GOLM2: variants seen among roughly 807,000 people sequenced by gnomAD.
GOLM2 encodes golgi membrane protein 2, also known as protein GOLM2.
A neutral mutation model predicts 55.9 loss-of-function variants in GOLM2; 26 were observed. The observed-to-expected ratio is 0.47, with a 90% confidence interval of 0.34 to 0.65. The LOEUF (loss-of-function observed/expected upper bound fraction) is 0.65, where lower values mean the gene tolerates loss of function less well. GOLM2 is among the 30% of genes least tolerant of loss of function. The pLI, the probability that GOLM2 is intolerant of heterozygous loss-of-function variation, is 0.01. For missense variants in GOLM2, 486 were observed against 531.8 expected (o/e 0.91, Z 0.85); for synonymous variants, 165 against 194.6 (o/e 0.85, Z 1.27).
rs1367010546 is a variant in GOLM2, at chr15:44,312,862, C to T, written c.328-10103C>T. 7.2e-5 allele frequency among the ~76,000 whole-genome samples: 11 copies of T among 152,062 alleles called. No individual in the cohort carries two copies. The East Asian group carries it at 1.9e-3, about 27-fold the overall frequency. Reference sequence around the variant, plus strand: ...TTGGGAGGCCGAGGCAGGCGGATCACGAGGTCAGCAGATAGAGACCATCTT... The same window carrying T: ...TTGGGAGGCCGAGGCAGGCGGATCATGAGGTCAGCAGATAGAGACCATCTT... On this transcript the variant is annotated intron_variant, in intron 1 of 9. Transcript: ENST00000299957.
At chr15:44,292,228 C>T (rs141192551) in intron 1 of GOLM2, among the ~76,000 whole-genome samples, 4,911 of 147,484 alleles carry the variant, frequency 0.033, 284 homozygotes, top group African/African-American at 0.12. Context: ...GACAGAGTCT[C>T]GCTCGGTTAA....
intron 1 of GOLM2, among the ~76,000 whole-genome samples, chr15:44,292,448 G>A (rs1267943533): frequency 6.6e-6 from 1 of 152,032 alleles, no homozygotes; most frequent in African/African-American, 2.4e-5. Flanking sequence ...CACCAGCCTT[G>A]GCCTCCCAAA....
At chr15:44,329,537 G>T (rs1016219738) in intron 3 of GOLM2, among the ~76,000 whole-genome samples, 31 of 152,130 alleles carry the variant, frequency 2.0e-4, no homozygotes, top group Non-Finnish European at 4.6e-4. Flanking sequence ...GCATATTAAT[G>T]TACCAAAACT....
At chr15:44,337,689 C>A in intron 4 of GOLM2, 74 bp from the exon 5 acceptor site, 1 of 1,089,108 alleles carries the variant, frequency 9.2e-7, no homozygotes, top group Non-Finnish European at 1.3e-6. Flanking sequence ...TGTTTCAGAA[C>A]ATTTAATTAA....
intron 9 of GOLM2, among the ~76,000 whole-genome samples, chr15:44,408,765 T>C (rs2079614251): frequency 6.6e-6 from 1 of 152,022 alleles, no homozygotes; most frequent in African/African-American, 2.4e-5. Context: ...GATCACACCC[T>C]CCTGGCTAAG....
chr15:44,290,947 G>A lies in GOLM2; in HGVS notation c.327+1591G>A, dbSNP rs888788152. Reference sequence around the variant, plus strand: ...GCCTCCTGAGTAGCTGGGATTACAGGCATGCACCACCACGCCTGGCTAATT... The same window carrying A: ...GCCTCCTGAGTAGCTGGGATTACAGACATGCACCACCACGCCTGGCTAATT... On this transcript the variant is annotated intron_variant, in intron 1 of 9. Coordinates refer to ENST00000299957, the MANE Select transcript of GOLM2 (RefSeq NM_138423.4). Among the ~76,000 whole-genome samples the A allele has an allele frequency of 2.6e-5, 4 of 152,088 alleles. No homozygotes were observed. The South Asian group carries it at 6.2e-4, about 24-fold the overall frequency.
intron 4 of GOLM2, among the ~76,000 whole-genome samples, chr15:44,337,229 G>C (rs1445010726): frequency 6.6e-6 from 1 of 151,838 alleles, no homozygotes; most frequent in Non-Finnish European, 1.5e-5. Context: ...GTTAGGAACA[G>C]GTTAGAGGAA....
chr15:44,377,623 C>T (rs2141191091), intron 6 of GOLM2, among the ~76,000 whole-genome samples: 1 of 152,242 alleles, frequency 6.6e-6, no homozygotes, highest in Non-Finnish European at 1.5e-5. Flanking sequence ...ACTCACATGC[C>T]TCGGTCTTTC....
rs1014385668 is a variant in GOLM2 at position 44,388,404 on chromosome 15, A to G, written c.1072+7428A>G. ...ATTTAAGAGACAGGTGGCCTGGCAC[A>G]GTGGCCCATGCCTGTAATCCTAACA... On this transcript the variant is annotated intron_variant, in intron 8 of 9. Transcript: ENST00000299957. Among the ~76,000 whole-genome samples, 114 of 152,272 alleles carry G rather than the reference A, an allele frequency of 7.5e-4. 2 individuals carry two copies. Among genetic ancestry groups the G allele is most frequent in the African/African-American group, 2.6e-3 (108 of 41,562 alleles).
At position 44,288,857 on chromosome 15, in the gene GOLM2, G is replaced by A. The variant is rs1423759541; in HGVS notation, c.-173G>A. The A allele has an allele frequency of 8.2e-6, 5 of 610,892 alleles. No individual in the cohort carries two copies. The highest frequency in any genetic ancestry group is 1.4e-5 in the Non-Finnish European group (5 of 351,782). 37.8% of individuals were successfully genotyped at this position (610,892 alleles called of 1,614,324 possible). On this transcript the variant is annotated 5_prime_UTR_variant, in exon 1 of 10. Coordinates refer to ENST00000299957, the MANE Select transcript of GOLM2 (RefSeq NM_138423.4). ...TGATTTGAGGAGGGGGGCGGGGAGG[G>A]ACCTGCGGCTTGCGGCCCCGCCCCC...
chr15:44,400,404 C>T lies in GOLM2; in HGVS notation c.1073-2483C>T, dbSNP rs921422661. On this transcript the variant is annotated intron_variant, in intron 8 of 9. Transcript: ENST00000299957. ...TGCAATCTCAGTGAGCCGCAACCTC[C>T]GCCTCCCGGGTTCCAGTGATTCTCC... 1.4e-4 allele frequency among the ~76,000 whole-genome samples: 21 copies of T among 151,332 alleles called. No homozygotes were observed. In the South Asian group the frequency reaches 2.7e-3, roughly 20 times the overall value.
rs2079663129 is a variant in GOLM2, at chr15:44,414,843, A to G, written c.*1437A>G. The G allele has an allele frequency of 6.6e-6, 1 of 152,630 alleles. No individual in the cohort carries two copies. Among genetic ancestry groups the G allele is most frequent in the African/African-American group, 2.4e-5 (1 of 41,462 alleles). 9.5% of individuals were successfully genotyped at this position (152,630 alleles called of 1,614,324 possible). ...TAGACTTACAAATTATTTTAAATGC[A>G]TTTATCTTTTTTGACACTATTCAGT... On this transcript the variant is annotated 3_prime_UTR_variant, in exon 10 of 10. Transcript: ENST00000299957.
chr15:44,366,547 T>C (rs997836537), intron 6 of GOLM2, among the ~76,000 whole-genome samples: 1 of 152,006 alleles, frequency 6.6e-6, no homozygotes, highest in African/African-American at 2.4e-5. Context: ...AGTGGGAGGA[T>C]CACTTGAGCA....
intron 8 of GOLM2, among the ~76,000 whole-genome samples, chr15:44,392,577 T>C (rs2079498526): frequency 6.6e-6 from 1 of 150,906 alleles, no homozygotes; most frequent in Non-Finnish European, 1.5e-5. Context: ...GAGCCAAGAT[T>C]GTGCCACTGC....
chr15:44,394,603 G>T (rs2079512570), intron 8 of GOLM2, among the ~76,000 whole-genome samples: 1 of 152,118 alleles, frequency 6.6e-6, no homozygotes, highest in South Asian at 2.1e-4. Flanking sequence ...ATATGTTCCT[G>T]ATAATGAAAT....
intron 1 of GOLM2, among the ~76,000 whole-genome samples, chr15:44,292,945 G>A (rs1215608616): frequency 6.6e-6 from 1 of 152,112 alleles, no homozygotes; most frequent in Admixed American, 6.5e-5. Flanking sequence ...CTCCCAAGTA[G>A]CTGGGACTAT....
intron 6 of GOLM2, among the ~76,000 whole-genome samples, chr15:44,340,261 A>G (rs1419380983): frequency 6.6e-6 from 1 of 152,082 alleles, no homozygotes; most frequent in Non-Finnish European, 1.5e-5. Context: ...ATATAGAGAG[A>G]GAGAGCCAAA....
intron 4 of GOLM2, among the ~76,000 whole-genome samples, chr15:44,334,973 G>C (rs1356740411): frequency 6.6e-6 from 1 of 152,192 alleles, no homozygotes; most frequent in Non-Finnish European, 1.5e-5. Flanking sequence ...GGGGGTTGCA[G>C]TGAGCCAGTA....
chr15:44,398,657 CTTTTTTTT>C (rs994381104), intron 8 of GOLM2, among the ~76,000 whole-genome samples: 3 of 108,076 alleles, frequency 2.8e-5, no homozygotes, highest in Admixed American at 9.3e-5. Context: ...ATATAGGAGC[CTTTTTTTT>C]TTTTTTTTTT....
Sources: allele counts gnomAD v4.1 joint callset (sites outside exome capture counted in the v4.1 genomes callset), GRCh38; gene constraint gnomAD v4.1.1; transcripts MANE v1.5; gene names NCBI Gene and HGNC (gene_info 2026-07-23, HGNC 2026-07-21).